The following PLCB1 variants were observed in gnomAD, a reference collection of about 807,000 sequenced individuals.
The protein encoded by PLCB1 is phospholipase C beta 1, also known as 1-phosphatidylinositol 4,5-bisphosphate phosphodiesterase beta-1.
In PLCB1, 46 loss-of-function variants were observed where a neutral mutation model predicts 161.8. That is an observed-to-expected ratio of 0.28 (90% CI 0.22 to 0.36). PLCB1 has a LOEUF of 0.36. Among genes scored for constraint, PLCB1 ranks in the 10% least tolerant of loss-of-function variants. The probability of loss-of-function intolerance (pLI) is 1.00; values close to 1 mark genes in which losing one functional copy is unlikely to be tolerated. For missense variants in PLCB1, 1,016 were observed against 1,472.5 expected (o/e 0.69, Z 5.07); for synonymous variants, 517 against 503.7 (o/e 1.03, Z -0.35).
chr20:8,853,165 TAAATC>T (rs1261049908), intron 31 of PLCB1, among the ~76,000 whole-genome samples: 6 of 152,152 alleles, frequency 3.9e-5, no homozygotes, highest in African/African-American at 1.4e-4. Context: ...CATAAGGAAA[TAAATC>T]CAATAGTATG....
intron 1 of PLCB1, among the ~76,000 whole-genome samples, chr20:8,139,471 G>T (rs1320934049): frequency 6.6e-6 from 1 of 152,006 alleles, no homozygotes; most frequent in Non-Finnish European, 1.5e-5. Context: ...TAATGTACAA[G>T]ATCACAGAAA....
chr20:8,132,810 C>A lies in PLCB1; in HGVS notation c.99+60C>A. ...CTCGGGCACCGGGCAGGGCGGGCGTCGTGGGGGTGGGGCAAGGGGCGCGTT... is the reference window on the plus strand; with the variant it reads ...CTCGGGCACCGGGCAGGGCGGGCGTAGTGGGGGTGGGGCAAGGGGCGCGTT... On this transcript the variant is annotated intron_variant, in intron 1 of 31. Coordinates refer to ENST00000338037, the MANE Select transcript of PLCB1 (RefSeq NM_015192.4). This position sits in a 1 kb window ranked among gnomAD's most constrained non-coding sequence, Gnocchi z 5.2. The A allele has an allele frequency of 8.9e-7, 1 of 1,127,688 alleles. No individual in the cohort carries two copies. Among genetic ancestry groups the A allele is most frequent in the Non-Finnish European group, 1.3e-6 (1 of 755,380 alleles). 69.9% of individuals were successfully genotyped at this position (1,127,688 alleles called of 1,614,324 possible). A position where few individuals can be genotyped will look rare whatever the true frequency, so the allele number is the denominator to read the frequency against.
At chr20:8,821,492 A>C (rs1342306792) in intron 31 of PLCB1, among the ~76,000 whole-genome samples, 1 of 41,464 alleles carries the variant, frequency 2.4e-5, no homozygotes, top group Non-Finnish European at 4.5e-5. Context: ...AAAAAAAAAA[A>C]AAAAATATGT....
chr20:8,694,636 A>G (rs371018057), intron 10 of PLCB1, among the ~76,000 whole-genome samples: 1 of 152,338 alleles, frequency 6.6e-6, no homozygotes, highest in South Asian at 2.1e-4. Context: ...TCTGTTAGGT[A>G]TTTATCTACT....
At chr20:8,328,168 A>G (rs1472532045) in intron 2 of PLCB1, among the ~76,000 whole-genome samples, 2 of 152,158 alleles carry the variant, frequency 1.3e-5, no homozygotes, top group African/African-American at 4.8e-5. Flanking sequence ...TGGCACTCAA[A>G]AAGTTTAGGA....
intron 3 of PLCB1, among the ~76,000 whole-genome samples, chr20:8,589,381 G>T (rs1346312379): frequency 1.3e-5 from 2 of 152,112 alleles, no homozygotes; most frequent in Admixed American, 1.3e-4. Flanking sequence ...GATGGTCCCT[G>T]TCTTAATCTG....
At chr20:8,396,563 G>A (rs1337850474) in intron 3 of PLCB1, among the ~76,000 whole-genome samples, 1 of 152,052 alleles carries the variant, frequency 6.6e-6, no homozygotes, top group African/African-American at 2.4e-5. Flanking sequence ...AAAATGGGAA[G>A]TTGCTCAGTC....
intron 21 of PLCB1, 114 bp from the exon 22 acceptor site, chr20:8,740,230 T>C (rs1980800639): frequency 1.6e-6 from 1 of 619,878 alleles, no homozygotes; most frequent in African/African-American, 1.9e-5. Context: ...AAAAAGTGAT[T>C]TGTTTTTCAT....
intron 23 of PLCB1, among the ~76,000 whole-genome samples, chr20:8,748,493 A>C (rs373108888): frequency 3.9e-5 from 6 of 152,342 alleles, no homozygotes; most frequent in African/African-American, 1.2e-4. Context: ...AAATTTCTAA[A>C]ATTTCAATGG....
At chr20:8,451,649 C>T (rs1454318413) in intron 3 of PLCB1, among the ~76,000 whole-genome samples, 2 of 152,228 alleles carry the variant, frequency 1.3e-5, no homozygotes, top group Non-Finnish European at 2.9e-5. Context: ...TGCACCCGGC[C>T]CAGATTGCCT....
At chr20:8,601,108 G>A (rs1035420578) in intron 3 of PLCB1, among the ~76,000 whole-genome samples, 5 of 152,266 alleles carry the variant, frequency 3.3e-5, no homozygotes, top group East Asian at 1.9e-4. Flanking sequence ...TTCCTATTCG[G>A]CCATCTTGGC....
chr20:8,412,143 T>G (rs1979073406), intron 3 of PLCB1, among the ~76,000 whole-genome samples: 1 of 151,686 alleles, frequency 6.6e-6, no homozygotes, highest in Non-Finnish European at 1.5e-5. Context: ...TTGTAAGGTA[T>G]TATTAGTTAT....
Position 8,851,820 on chromosome 20 carries a change from G to A in PLCB1, c.3424-29802G>A, listed in dbSNP as rs112545626. On this transcript the variant is annotated intron_variant, in intron 31 of 31. Transcript: ENST00000338037. ...TCTAGGGAAATGTTCTCTTTTCTTT[G>A]CTTGAACTGAAGTTGCAATTTAGAG... Among the ~76,000 whole-genome samples the A allele has an allele frequency of 3.7e-3, 531 of 144,224 alleles. 7 individuals are homozygous for A. Among genetic ancestry groups the A allele is most frequent in the African/African-American group, 0.012 (475 of 38,582 alleles). 94.6% of individuals were successfully genotyped at this position (144,224 alleles called of 152,430 possible).
intron 27 of PLCB1, among the ~76,000 whole-genome samples, chr20:8,775,072 CCTTTTTT>C (rs1982878540): frequency 2.3e-5 from 2 of 88,356 alleles, no homozygotes; most frequent in Admixed American, 1.9e-4. Flanking sequence ...ACAAATTTTC[CCTTTTTT>C]TTTTTTTTTT....
intron 31 of PLCB1, among the ~76,000 whole-genome samples, chr20:8,821,414 G>C (rs1046604443): frequency 1.4e-4 from 20 of 145,614 alleles, no homozygotes; most frequent in African/African-American, 5.0e-4. Context: ...GGAGGCGGAG[G>C]TTGTGGCAAG....
At chr20:8,618,726 A>G (rs1255979268) in intron 3 of PLCB1, among the ~76,000 whole-genome samples, 2 of 152,146 alleles carry the variant, frequency 1.3e-5, no homozygotes, top group Non-Finnish European at 2.9e-5. Flanking sequence ...TTCACCTCAA[A>G]AGAAGCACAC....
At chr20:8,593,804 G>A (rs963485040) in intron 3 of PLCB1, among the ~76,000 whole-genome samples, 55 of 151,788 alleles carry the variant, frequency 3.6e-4, no homozygotes, top group African/African-American at 1.2e-3. Flanking sequence ...ACATTTTTTC[G>A]GGGAAGATTC....
At chr20:8,176,847 G>C (rs767652237) in intron 2 of PLCB1, among the ~76,000 whole-genome samples, 16 of 152,008 alleles carry the variant, frequency 1.1e-4, no homozygotes, top group Non-Finnish European at 2.2e-4. Flanking sequence ...AAATTAAAAG[G>C]AACCTCCAGA....
chr20:8,623,097 G>A (rs17365886), intron 3 of PLCB1, among the ~76,000 whole-genome samples: 21,484 of 151,692 alleles, frequency 0.14, 1,731 homozygotes, highest in Non-Finnish European at 0.17. Flanking sequence ...CCTAGCTCTC[G>A]AAACTGCATT....
Sources: allele counts gnomAD v4.1 joint callset (sites outside exome capture counted in the v4.1 genomes callset), GRCh38; gene constraint gnomAD v4.1.1; non-coding constraint Gnocchi (gnomAD v3.1); transcripts MANE v1.5; gene names NCBI Gene and HGNC (gene_info 2026-07-23, HGNC 2026-07-21).